The following DACH1 variants were observed in gnomAD, a reference collection of about 807,000 sequenced individuals.
DACH1 encodes dachshund homolog 1.
Under a neutral mutation model 54.2 loss-of-function variants are expected in DACH1, and 12 were observed. The observed-to-expected ratio is 0.22, with a 90% CI of 0.14 to 0.36. DACH1 has a LOEUF of 0.36. Ranked by LOEUF, DACH1 falls within the 10% of genes least tolerant of loss-of-function variation. DACH1 has a pLI of 1.00. For synonymous variants in DACH1, 386 were observed against 366.2 expected, an observed-to-expected ratio of 1.05 and a Z score of -0.62; for missense variants, 805 against 929.8, an observed-to-expected ratio of 0.87 and a Z score of 1.75.
chr13:71,605,269 A>C (rs1229318193), intron 3 of DACH1, among the ~76,000 whole-genome samples: 1 of 151,826 alleles, frequency 6.6e-6, no homozygotes, highest in Non-Finnish European at 1.5e-5. Flanking sequence ...AACTTACACT[A>C]CTCAACATAT....
chr13:71,545,518 AGAAGAAAGGAAG>A (rs149363412), intron 6 of DACH1, among the ~76,000 whole-genome samples: 13,957 of 150,966 alleles, frequency 0.092, 1,313 homozygotes, highest in East Asian at 0.39. Flanking sequence ...AAAGAAGAAA[AGAAGAAAGGAAG>A]GAAGAAGGGA....
intron 2 of DACH1, among the ~76,000 whole-genome samples, chr13:71,635,700 G>A (rs1877434236): frequency 6.6e-6 from 1 of 151,896 alleles, no homozygotes; most frequent in African/African-American, 2.4e-5. Context: ...TCAGATTCAG[G>A]GAAATTTTTG....
intron 6 of DACH1, among the ~76,000 whole-genome samples, chr13:71,494,180 T>A (rs1879220353): frequency 6.6e-6 from 1 of 152,178 alleles, no homozygotes; most frequent in Admixed American, 6.6e-5. Flanking sequence ...GTTCTCTACA[T>A]TAAGTTGTTA....
At chr13:71,672,506 T>C (rs1424131706) in intron 2 of DACH1, among the ~76,000 whole-genome samples, 9 of 152,170 alleles carry the variant, frequency 5.9e-5, no homozygotes, top group Non-Finnish European at 1.2e-4. Context: ...CAACATTTTA[T>C]GGTTAAATCT....
At chr13:71,557,949 A>T (rs1884356476) in intron 5 of DACH1, among the ~76,000 whole-genome samples, 2 of 151,888 alleles carry the variant, frequency 1.3e-5, no homozygotes, top group African/African-American at 4.8e-5. Context: ...GTGTGATCAT[A>T]GATTGGCTTT....
chr13:71,797,049 T>C (rs117755558), intron 1 of DACH1, among the ~76,000 whole-genome samples: 2,226 of 152,176 alleles, frequency 0.015, 26 homozygotes, highest in Non-Finnish European at 0.022. Context: ...CTCTCGTATG[T>C]GTCAATAGTT....
intron 1 of DACH1, among the ~76,000 whole-genome samples, chr13:71,808,184 C>A (rs1206668351): frequency 1.3e-5 from 2 of 152,106 alleles, no homozygotes; most frequent in Non-Finnish European, 2.9e-5. Context: ...GCTTTTCTTT[C>A]TGGCTTACAC....
At chr13:71,846,311 G>T in intron 1 of DACH1, 1 of 196,944 alleles carries the variant, frequency 5.1e-6, no homozygotes, top group East Asian at 1.3e-4. Flanking sequence ...ACCTCTCAAA[G>T]ATTTAGACTA....
chr13:71,441,303 C>G (rs2138093465), intron 10 of DACH1, among the ~76,000 whole-genome samples: 1 of 152,094 alleles, frequency 6.6e-6, no homozygotes, highest in Non-Finnish European at 1.5e-5. Context: ...TGAGCAAACA[C>G]ACAGTTGTGT....
At chr13:71,737,201 C>T (rs746056978) in intron 1 of DACH1, among the ~76,000 whole-genome samples, 3 of 151,384 alleles carry the variant, frequency 2.0e-5, no homozygotes, top group African/African-American at 4.9e-5. Context: ...CCAACCTGGG[C>T]GACAGAACAA....
Position 71,489,107 on chromosome 13 carries a change from C to A in DACH1, c.1612G>T (p.Asp538Tyr). 1.2e-6 allele frequency: 2 copies of A among 1,613,666 alleles called. No individual in the cohort carries two copies. The highest frequency in any genetic ancestry group is 1.1e-5 in the South Asian group (1 of 91,046). Residue 538 changes from aspartate to tyrosine, a missense_variant, in exon 7 of 11, where the codon GAC (aspartate) becomes TAC (tyrosine). By Grantham distance (160) the Asp-to-Tyr change is radical. Around this residue, in one of 3 missense-constraint regions of DACH1, gnomAD observed 472 missense variants for 545.3 expected, o/e 0.87. Transcript: ENST00000613252. ...CCATGCCCAGTTAGAGAGAGTTTGT[C>A]AAGGCTGTCTCTTGCGGTTGGTGTA... Reference protein sequence around the residue: ...LSTPTARDSLDKLSLTGHGQP... With the variant: ...LSTPTARDSLYKLSLTGHGQP...
chr13:71,514,426 A>C (rs1482767308), intron 6 of DACH1, among the ~76,000 whole-genome samples: 1 of 151,904 alleles, frequency 6.6e-6, no homozygotes, highest in Non-Finnish European at 1.5e-5. Context: ...ATAAAAAAGA[A>C]TGAATTAAAA....
chr13:71,730,488 C>G (rs939230976), intron 1 of DACH1, among the ~76,000 whole-genome samples: 3 of 152,056 alleles, frequency 2.0e-5, no homozygotes, highest in African/African-American at 7.2e-5. Flanking sequence ...GAGTCATGCA[C>G]GCAAAGTCAA....
chr13:71,671,022 A>G (rs916626758), intron 2 of DACH1, among the ~76,000 whole-genome samples: 2 of 152,072 alleles, frequency 1.3e-5, no homozygotes, highest in Non-Finnish European at 2.9e-5. Flanking sequence ...AAATAATTCT[A>G]AGTAAAGTTC....
chr13:71,547,862 T>A (rs1883558904), intron 6 of DACH1, among the ~76,000 whole-genome samples: 1 of 152,178 alleles, frequency 6.6e-6, no homozygotes, highest in Admixed American at 6.5e-5. Context: ...TGACTGAATG[T>A]GTTAAATCAT....
At chr13:71,657,622 G>C (rs369271130) in intron 2 of DACH1, among the ~76,000 whole-genome samples, 1 of 147,574 alleles carries the variant, frequency 6.8e-6, no homozygotes, top group African/African-American at 2.5e-5. Flanking sequence ...TCACAATTTC[G>C]TCTGGTGCTC....
At chr13:71,524,924 T>C (rs1881852769) in intron 6 of DACH1, among the ~76,000 whole-genome samples, 1 of 152,118 alleles carries the variant, frequency 6.6e-6, no homozygotes, top group South Asian at 2.1e-4. Flanking sequence ...AAAACATTAC[T>C]GTGCGCAGGC....
intron 4 of DACH1, among the ~76,000 whole-genome samples, chr13:71,561,363 A>G (rs2138386258): frequency 6.6e-6 from 1 of 152,322 alleles, no homozygotes; most frequent in East Asian, 1.9e-4. Context: ...ATTAGTTAAG[A>G]TGAGAACATA....
At chr13:71,473,970 A>ATG (rs1877303289) in intron 10 of DACH1, among the ~76,000 whole-genome samples, 2 of 152,214 alleles carry the variant, frequency 1.3e-5, no homozygotes, top group Non-Finnish European at 2.9e-5. Flanking sequence ...TCATAACCAT[A>ATG]TACATACAAA....
Sources: gnomAD v4.1 joint callset for allele counts (sites outside exome capture counted in the v4.1 genomes callset) on GRCh38, gnomAD v4.1.1 for gene constraint, gnomAD v4.1.1 regional missense constraint, MANE v1.5 for transcripts, NCBI Gene and HGNC (gene_info 2026-07-23, HGNC 2026-07-21) for gene names.